Variants in HECW2 observed in about 807,000 individuals in gnomAD.
HECW2 encodes E3 ubiquitin-protein ligase HECW2.
In HECW2, 61 loss-of-function variants were observed where a neutral mutation model predicts 175.2. That is an observed-to-expected ratio of 0.35 (90% CI 0.28 to 0.43). The LOEUF (loss-of-function observed/expected upper bound fraction) is 0.43, where lower values mean the gene tolerates loss of function less well. HECW2 is among the 20% of genes least tolerant of loss of function. The probability of loss-of-function intolerance (pLI) is 1.00; values close to 1 mark genes in which losing one functional copy is unlikely to be tolerated. For missense variants in HECW2, 1,524 were observed against 2,000.5 expected (o/e 0.76, Z 4.54); for synonymous variants, 671 against 731.0 (o/e 0.92, Z 1.32).
chr2:196,403,173 C>T (rs531629602), intron 2 of HECW2, among the ~76,000 whole-genome samples: 2 of 152,258 alleles, frequency 1.3e-5, no homozygotes, highest in South Asian at 2.1e-4. Flanking sequence ...CTGGGTAGGA[C>T]ACAGACATAG....
At chr2:196,571,900 G>C (rs187626337) in intron 1 of HECW2, among the ~76,000 whole-genome samples, 45 of 152,230 alleles carry the variant, frequency 3.0e-4, no homozygotes, top group Admixed American at 2.7e-3. Flanking sequence ...ATCAAGGAAT[G>C]AATGAATAAA....
intron 14 of HECW2, among the ~76,000 whole-genome samples, chr2:196,285,851 T>C (rs1167700680): frequency 6.6e-6 from 1 of 152,210 alleles, no homozygotes; most frequent in Non-Finnish European, 1.5e-5. Context: ...AGAAAAGTAT[T>C]ACGTTTAACT....
At chr2:196,527,187 GT>G (rs1431930513) in intron 1 of HECW2, among the ~76,000 whole-genome samples, 2 of 152,358 alleles carry the variant, frequency 1.3e-5, no homozygotes, top group African/African-American at 2.4e-5. Flanking sequence ...GTGGTGCGCC[GT>G]TTTTTAAGCT....
intron 1 of HECW2, among the ~76,000 whole-genome samples, chr2:196,507,467 G>T (rs1015225598): frequency 3.3e-5 from 5 of 152,230 alleles, no homozygotes; most frequent in Non-Finnish European, 7.3e-5. Context: ...CATGACTGGG[G>T]TCGCTGCTAC....
intron 1 of HECW2, among the ~76,000 whole-genome samples, chr2:196,556,317 T>G (rs1483480224): frequency 2.0e-5 from 3 of 152,176 alleles, no homozygotes; most frequent in Non-Finnish European, 4.4e-5. Flanking sequence ...ATATGTAAGA[T>G]CTATTCTCGT....
intron 1 of HECW2, among the ~76,000 whole-genome samples, chr2:196,524,230 T>C (rs1221101507): frequency 3.5e-4 from 49 of 138,770 alleles, no homozygotes; most frequent in African/African-American, 1.4e-3. Flanking sequence ...AAGGAATTTA[T>C]CCATTTCTTC....
At chr2:196,241,818 A>C (rs559457775) in intron 20 of HECW2, among the ~76,000 whole-genome samples, 200 of 152,342 alleles carry the variant, frequency 1.3e-3, no homozygotes, top group African/African-American at 3.6e-3. Context: ...TTTCAGAGGA[A>C]AAAAATAAAT....
At chr2:196,371,735 A>G (rs994515464) in intron 2 of HECW2, among the ~76,000 whole-genome samples, 23 of 152,364 alleles carry the variant, frequency 1.5e-4, no homozygotes, top group African/African-American at 4.8e-4. Flanking sequence ...TAGTCTGCGA[A>G]GCACTGGTGA....
chr2:196,263,483 A>G (rs948582030), intron 17 of HECW2: 5 of 152,246 alleles, frequency 3.3e-5, no homozygotes, highest in African/African-American at 9.6e-5. Context: ...GTTCCTCTAG[A>G]TACAGTTCAG....
chr2:196,378,945 G>A (rs1421136355), intron 2 of HECW2, among the ~76,000 whole-genome samples: 1 of 152,120 alleles, frequency 6.6e-6, no homozygotes, highest in Non-Finnish European at 1.5e-5. Flanking sequence ...GCAACATGAA[G>A]TACACAGCAC....
chr2:196,396,750 C>T (rs2125194531), intron 2 of HECW2, among the ~76,000 whole-genome samples: 1 of 152,160 alleles, frequency 6.6e-6, no homozygotes, highest in East Asian at 1.9e-4. Flanking sequence ...GTGGCAATGT[C>T]CCCTCCAGTT....
At chr2:196,374,041 A>AAAGT (rs1386345035) in intron 2 of HECW2, among the ~76,000 whole-genome samples, 3 of 131,424 alleles carry the variant, frequency 2.3e-5, no homozygotes, top group African/African-American at 1.1e-4. Context: ...CAAAAAAAAT[A>AAAGT]AAATAAAATA....
chr2:196,510,376 T>A (rs1687903971), intron 1 of HECW2, among the ~76,000 whole-genome samples: 1 of 152,132 alleles, frequency 6.6e-6, no homozygotes, highest in Admixed American at 6.5e-5. Context: ...AAACCAGCAT[T>A]ACTCCTCCCT....
chr2:196,592,784 C>G (rs2125542787), intron 1 of HECW2: 1 of 151,858 alleles, frequency 6.6e-6, no homozygotes, highest in South Asian at 2.1e-4. Context: ...GGGCTTTGCG[C>G]CCGTCGCCAC....
chr2:196,221,419 G>C (rs903127988), intron 24 of HECW2, among the ~76,000 whole-genome samples: 10 of 151,992 alleles, frequency 6.6e-5, no homozygotes, highest in Admixed American at 4.6e-4. Context: ...TTATAAACTG[G>C]TATATAATTT....
intron 1 of HECW2, among the ~76,000 whole-genome samples, chr2:196,471,012 CAAA>C (rs398060924): frequency 8.3e-6 from 1 of 120,140 alleles, no homozygotes. Context: ...ACCAAATTGG[CAAA>C]AAAAAAAAAA....
chr2:196,488,071 A>T (rs1214407353), intron 1 of HECW2, among the ~76,000 whole-genome samples: 1 of 152,220 alleles, frequency 6.6e-6, no homozygotes, highest in African/African-American at 2.4e-5. Flanking sequence ...GAGAATCTGT[A>T]TGTGTGTATT....
chr2:196,212,395 A>G lies in HECW2; in HGVS notation c.4607+3470T>C, dbSNP rs75428384. On this transcript the variant is annotated intron_variant, in intron 28 of 28. Transcript: ENST00000644978. ...GCCCCAGTGAGTGTTATTCCCCTCT[A>G]TGTGTCCTTGTGTTCTCATCATTTA... 3.8e-4 allele frequency among the ~76,000 whole-genome samples: 58 copies of G among 151,936 alleles called. 1 individual carries two copies. In the East Asian group the frequency reaches 9.5e-3, roughly 25 times the overall value.
intron 17 of HECW2, chr2:196,258,126 T>C (rs914906133): frequency 5.7e-6 from 3 of 525,210 alleles, no homozygotes; most frequent in Non-Finnish European, 1.0e-5. Flanking sequence ...TCTAATGTTG[T>C]GGGGAGAAAG....
Sources: gnomAD v4.1 joint callset for allele counts (sites outside exome capture counted in the v4.1 genomes callset) on GRCh38, gnomAD v4.1.1 for gene constraint, MANE v1.5 for transcripts, NCBI Gene and HGNC (gene_info 2026-07-23, HGNC 2026-07-21) for gene names.